The following LIMCH1 variants were observed in gnomAD, a reference collection of about 807,000 sequenced individuals.
LIMCH1 encodes the protein LIM and calponin homology domains-containing protein 1.
A neutral mutation model predicts 176.5 loss-of-function variants in LIMCH1; 113 were observed. The ratio of observed to expected loss-of-function variants is 0.64; its 90% CI spans 0.55 to 0.75. The LOEUF (loss-of-function observed/expected upper bound fraction) is 0.75, where lower values mean the gene tolerates loss of function less well. Ranked by LOEUF, LIMCH1 falls within the 30% of genes least tolerant of loss-of-function variation. The pLI is 0.00. For synonymous variants in LIMCH1, 619 were observed against 645.9 expected (o/e 0.96, Z 0.63); for missense variants, 1,674 against 1,814.9 (o/e 0.92, Z 1.41).
chr4:41,544,988 C>G (rs2079169366), intron 1 of LIMCH1, among the ~76,000 whole-genome samples: 1 of 152,168 alleles, frequency 6.6e-6, no homozygotes, highest in Non-Finnish European at 1.5e-5. Flanking sequence ...TTTCCTGTTT[C>G]CATTCTGAAA....
intron 5 of LIMCH1, among the ~76,000 whole-genome samples, chr4:41,618,643 G>A (rs1584930670): frequency 1.3e-5 from 2 of 152,192 alleles, no homozygotes; most frequent in East Asian, 3.9e-4. Flanking sequence ...CTTCCTGGAA[G>A]ACAAACCCTT....
At chr4:41,604,093 G>A in intron 3 of LIMCH1, 188 bp downstream of exon 3, 1 of 597,008 alleles carries the variant, frequency 1.7e-6, no homozygotes, top group South Asian at 7.4e-5. Flanking sequence ...CTGGGGTGGT[G>A]GTGGTTCTCT....
At chr4:41,419,429 C>T (rs2060249582) in intron 1 of LIMCH1, among the ~76,000 whole-genome samples, 1 of 152,118 alleles carries the variant, frequency 6.6e-6, no homozygotes, top group South Asian at 2.1e-4. Context: ...CCACCTCGGC[C>T]TCCCAAAGTG....
intron 2 of LIMCH1, among the ~76,000 whole-genome samples, chr4:41,506,717 GA>G (rs1250820854): frequency 6.6e-6 from 1 of 152,132 alleles, no homozygotes; most frequent in Non-Finnish European, 1.5e-5. Context: ...GAGGGAAAGG[GA>G]AAATCATCTT....
chr4:41,399,892 C>T (rs1187027548), intron 1 of LIMCH1, among the ~76,000 whole-genome samples: 1 of 144,190 alleles, frequency 6.9e-6, no homozygotes, highest in Non-Finnish European at 1.5e-5. Flanking sequence ...CCATGTTGGC[C>T]AGGATGGTCT....
At chr4:41,514,662 A>G (rs184037057) in intron 2 of LIMCH1, among the ~76,000 whole-genome samples, 2 of 152,314 alleles carry the variant, frequency 1.3e-5, no homozygotes, top group East Asian at 1.9e-4. Flanking sequence ...CAGAAGAGCA[A>G]TGGGTTTGCT....
intron 3 of LIMCH1, 47 bp from the exon 4 acceptor site, chr4:41,605,845 AAC>A (rs1484818306): frequency 8.4e-7 from 1 of 1,186,646 alleles, no homozygotes; most frequent in Non-Finnish European, 1.3e-6. Flanking sequence ...CCTTAGTTTA[AAC>A]GTCATTCTTG....
chr4:41,496,438 G>C (rs1365623909), intron 2 of LIMCH1, among the ~76,000 whole-genome samples: 1 of 152,186 alleles, frequency 6.6e-6, no homozygotes, highest in Non-Finnish European at 1.5e-5. Flanking sequence ...CACATAGGAG[G>C]CCAGAGGCAA....
chr4:41,391,117 A>G (rs940542513), intron 1 of LIMCH1, among the ~76,000 whole-genome samples: 2 of 152,200 alleles, frequency 1.3e-5, no homozygotes, highest in Non-Finnish European at 2.9e-5. Flanking sequence ...GCAACAAATC[A>G]AGAAATTGTT....
chr4:41,431,777 T>C (rs2061626700), intron 1 of LIMCH1, among the ~76,000 whole-genome samples: 1 of 152,214 alleles, frequency 6.6e-6, no homozygotes, highest in African/African-American at 2.4e-5. Flanking sequence ...GTTATAAATC[T>C]TTTCTTGTGC....
chr4:41,573,575 A>G (rs952621587), intron 1 of LIMCH1, among the ~76,000 whole-genome samples: 2 of 152,220 alleles, frequency 1.3e-5, no homozygotes, highest in Admixed American at 6.5e-5. Flanking sequence ...TGATGGCTGT[A>G]TACCCTTTTC....
chr4:41,468,361 C>CTCCT (rs1352640768), intron 1 of LIMCH1, among the ~76,000 whole-genome samples: 2 of 95,242 alleles, frequency 2.1e-5, no homozygotes, highest in Admixed American at 1.0e-4. Context: ...TCCTCCCTCC[C>CTCCT]TCCCTCCCCC....
chr4:41,585,884 C>T (rs755401982), intron 1 of LIMCH1, among the ~76,000 whole-genome samples: 7 of 152,108 alleles, frequency 4.6e-5, no homozygotes, highest in African/African-American at 7.2e-5. Context: ...GGAAAACATC[C>T]GAAATGTTAT....
intron 1 of LIMCH1, among the ~76,000 whole-genome samples, chr4:41,486,035 T>C (rs2069469181): frequency 6.6e-6 from 1 of 152,164 alleles, no homozygotes; most frequent in Admixed American, 6.5e-5. Context: ...AGATTTTGGC[T>C]AAACAGCTGC....
intron 1 of LIMCH1, among the ~76,000 whole-genome samples, chr4:41,394,144 G>C (rs931990478): frequency 6.6e-6 from 1 of 152,102 alleles, no homozygotes; most frequent in African/African-American, 2.4e-5. Context: ...TCCGTAGTGT[G>C]CTAGGCCAAA....
rs183307895 is a variant in LIMCH1, at chr4:41,444,986, A to G, written c.97-49550A>G. On this transcript the variant is annotated intron_variant, in intron 1 of 26. Coordinates refer to the LIMCH1 transcript ENST00000313860. Reference sequence around the variant, plus strand: ...ATAACCACTGTGTGCTTTTGTAGGCACATGAAGAGAATATTCAACAACATT... The same window carrying G: ...ATAACCACTGTGTGCTTTTGTAGGCGCATGAAGAGAATATTCAACAACATT... Among the ~76,000 whole-genome samples the G allele has an allele frequency of 2.0e-5, 3 of 151,794 alleles. No individual in the cohort carries two copies. The East Asian group carries it at 5.8e-4, about 29-fold the overall frequency.
At chr4:41,649,488 T>G (rs1212797547) in intron 17 of LIMCH1, among the ~76,000 whole-genome samples, 4 of 152,224 alleles carry the variant, frequency 2.6e-5, no homozygotes, top group Admixed American at 2.6e-4. Context: ...CTGTTCTAAA[T>G]TCTGTACATT....
In LIMCH1 at chr4:41,697,493, CTCT is replaced by C; in HGVS notation, c.*313_*315del. The C allele has an allele frequency of 2.9e-6, 1 of 340,668 alleles. No individual in the cohort carries two copies. The highest frequency in any genetic ancestry group is 5.3e-6 in the Non-Finnish European group (1 of 189,498). The allele number at this position is 340,668 out of a possible 1,614,324, so 21.1% of individuals were successfully genotyped here. On this transcript the variant is annotated 3_prime_UTR_variant, in exon 32 of 32. Coordinates refer to ENST00000503057, the MANE Select transcript of LIMCH1 (RefSeq NM_001330672.2). Reference sequence around the variant, plus strand: ...GGCTTATGGTTTAAAATGTGTTATTCTCTTCTTTGGGAATTAGCTAAATGATGC... The same window carrying C: ...GGCTTATGGTTTAAAATGTGTTATTCTCTTTGGGAATTAGCTAAATGATGC...
chr4:41,646,603 C>T lies in LIMCH1; in HGVS notation c.2530C>T (p.Arg844Cys), dbSNP rs151066536. 6.8e-4 allele frequency: 1,103 copies of T among 1,614,172 alleles called. 1 individual carries two copies. Among genetic ancestry groups the T allele is most frequent in the Non-Finnish European group, 8.2e-4 (971 of 1,180,036 alleles). Residue 844 changes from arginine to cysteine, a missense_variant, in exon 17 of 32, where the codon CGC (arginine) becomes TGC (cysteine). Around this residue, in one of 3 missense-constraint regions of LIMCH1, gnomAD observed 1,015 missense variants for 1,102.5 expected, o/e 0.92. Coordinates refer to ENST00000503057, the MANE Select transcript of LIMCH1 (RefSeq NM_001330672.2). ...CACCATCAGTGAGGCTGTTCTCGAACGCTTGGAGATGCCAAAAATTCTGGA... is the reference window on the plus strand; with the variant it reads ...CACCATCAGTGAGGCTGTTCTCGAATGCTTGGAGATGCCAAAAATTCTGGA... ...RFTISEAVLE[R>C]LEMPKILERS...
Sources: gnomAD v4.1 joint callset for allele counts (sites outside exome capture counted in the v4.1 genomes callset) on GRCh38, gnomAD v4.1.1 for gene constraint, gnomAD v4.1.1 regional missense constraint, MANE v1.5 for transcripts, NCBI Gene and HGNC (gene_info 2026-07-23, HGNC 2026-07-21) for gene names.